The following IFNAR1 variants were observed in gnomAD, a reference collection of about 807,000 sequenced individuals.
The protein encoded by IFNAR1 is interferon alpha/beta receptor 1.
In IFNAR1, 47 loss-of-function variants were observed where a neutral mutation model predicts 62.1. The observed-to-expected ratio is 0.76, with a 90% confidence interval of 0.60 to 0.97. The LOEUF (loss-of-function observed/expected upper bound fraction) is 0.97, where lower values mean the gene tolerates loss of function less well. Ranked by LOEUF, IFNAR1 falls within the 50% of genes least tolerant of loss-of-function variation. IFNAR1 has a pLI of 0.00. For missense variants in IFNAR1, 638 were observed against 654.5 expected, an observed-to-expected ratio of 0.97 and a Z score of 0.27; for synonymous variants, 219 against 226.9, an observed-to-expected ratio of 0.97 and a Z score of 0.31.
chr21:33,342,094 G>A (rs1197392240), intron 3 of IFNAR1, among the ~76,000 whole-genome samples: 2 of 152,064 alleles, frequency 1.3e-5, no homozygotes, highest in Admixed American at 6.6e-5. Flanking sequence ...TGGCTGTTTG[G>A]GATTCTCGAT....
Position 33,341,015 on chromosome 21 carries a change from T to A in IFNAR1, c.217T>A (p.Trp73Arg). The A allele has an allele frequency of 6.2e-7, 1 of 1,608,974 alleles. No homozygotes were observed. The highest frequency in any genetic ancestry group is 8.5e-7 in the Non-Finnish European group (1 of 1,176,278). The change falls in exon 3 of 11, where the codon TGG (tryptophan) becomes AGG (arginine). Residue 73 changes from tryptophan to arginine, a missense_variant. Transcript: ENST00000270139. Reference protein sequence around the residue: ...FDYQKTGMDNWIKLSGCQNIT... With the variant: ...FDYQKTGMDNRIKLSGCQNIT... ...ACTTTAAAGAACTGGGATGGATAATTGGATAAAATTGTCTGGGTGTCAGAA... is the reference window on the plus strand; with the variant it reads ...ACTTTAAAGAACTGGGATGGATAATAGGATAAAATTGTCTGGGTGTCAGAA...
chr21:33,352,446 GA>G (rs553939863), intron 8 of IFNAR1, among the ~76,000 whole-genome samples: 3 of 151,014 alleles, frequency 2.0e-5, no homozygotes, highest in Non-Finnish European at 4.4e-5. Flanking sequence ...CTACCAAAAA[GA>G]AAAAAAAATT....
At chr21:33,330,448 CCT>C (rs1426235559) in intron 1 of IFNAR1, among the ~76,000 whole-genome samples, 1 of 152,100 alleles carries the variant, frequency 6.6e-6, no homozygotes, top group African/African-American at 2.4e-5. Flanking sequence ...ACTGTACATA[CCT>C]AGGGAAAGGC....
At position 33,353,697 on chromosome 21, in the gene IFNAR1, T is replaced by C. The variant is rs200057701; in HGVS notation, c.1354T>C (p.Phe452Leu). 25 of 1,585,292 alleles carry C rather than the reference T, an allele frequency of 1.6e-5. 1 individual carries two copies. The highest frequency in any genetic ancestry group is 1.5e-4 in the Admixed American group (8 of 52,514). Reference sequence around the variant, plus strand: ...TTGTATTGCATTATTTGCTCTCCCGTTTGTCATTTATGCTGCGAAAGTCTT... The same window carrying C: ...TTGTATTGCATTATTTGCTCTCCCGCTTGTCATTTATGCTGCGAAAGTCTT... ...GICIALFALP[F>L]VIYAAKVFLR... The change falls in exon 10 of 11, where the codon TTT becomes CTT. Residue 452 changes from phenylalanine (F) to leucine (L), a missense_variant. Coordinates refer to ENST00000270139, the MANE Select transcript of IFNAR1 (RefSeq NM_000629.3).
intron 1 of IFNAR1, among the ~76,000 whole-genome samples, chr21:33,332,604 A>G (rs2083191814): frequency 6.6e-6 from 1 of 152,244 alleles, no homozygotes. Context: ...GATACAAGAA[A>G]ATACAGATAG....
At chr21:33,335,051 T>C (rs2083219994) in intron 1 of IFNAR1, 1 of 1,229,170 alleles carries the variant, frequency 8.1e-7, no homozygotes, top group Admixed American at 1.7e-5. Context: ...CCACAAGGAG[T>C]ACTGCAGGGA....
At chr21:33,343,473 G>T (rs376037565) in intron 4 of IFNAR1, 51 bp downstream of exon 4, 1 of 1,562,030 alleles carries the variant, frequency 6.4e-7, no homozygotes, top group Non-Finnish European at 8.8e-7. Context: ...AAAATTAGGC[G>T]AATTAATCCT....
intron 2 of IFNAR1, 58 bp downstream of exon 2, chr21:33,335,705 A>C (rs1324646633): frequency 7.7e-7 from 1 of 1,304,416 alleles, no homozygotes; most frequent in Non-Finnish European, 1.0e-6. Flanking sequence ...TACAAGTTTA[A>C]CAACACCATA....
At position 33,335,606 on chromosome 21, in the gene IFNAR1, T is replaced by C. The variant is rs747735089; in HGVS notation, c.159T>C (p.Asp53=). The C allele has an allele frequency of 6.2e-7, 1 of 1,605,968 alleles. No homozygotes were observed. Among genetic ancestry groups the C allele is most frequent in the East Asian group, 2.2e-5 (1 of 44,518 alleles). Residue 53 remains aspartate, a synonymous_variant, in exon 2 of 11, where the codon GAT becomes GAC. Transcript: ENST00000270139. ...DNFILRWNRS[D]ESVGNVTFSF... The stretch of plus-strand genomic sequence containing the variant: ...TTATCCTGAGGTGGAACAGGAGCGA[T>C]GAGTCTGTCGGGAATGTGACTTTTT...
intron 2 of IFNAR1, among the ~76,000 whole-genome samples, chr21:33,339,658 A>G (rs911012658): frequency 1.3e-5 from 2 of 152,182 alleles, no homozygotes; most frequent in Admixed American, 6.5e-5. Context: ...ATGGTGGCTC[A>G]CGCCTGTAAT....
intron 8 of IFNAR1, 25 bp downstream of exon 8, chr21:33,349,568 T>G: frequency 6.7e-7 from 1 of 1,486,846 alleles, no homozygotes; most frequent in Non-Finnish European, 9.2e-7. Flanking sequence ...TAGTATAATT[T>G]TGTAACTTAG....
chr21:33,352,382 C>A (rs2083406100), intron 8 of IFNAR1, among the ~76,000 whole-genome samples: 1 of 152,088 alleles, frequency 6.6e-6, no homozygotes, highest in Non-Finnish European at 1.5e-5. Context: ...GTGGGTGGAT[C>A]ACTTGAGGCC....
chr21:33,324,812 G>C (rs1281031464), upstream of IFNAR1: 2 of 553,262 alleles, frequency 3.6e-6, no homozygotes, highest in African/African-American at 3.8e-5. Flanking sequence ...AATTAGGATG[G>C]GGCAATGGGA....
chr21:33,350,307 C>T (rs1649332620), intron 8 of IFNAR1, among the ~76,000 whole-genome samples: 2 of 150,832 alleles, frequency 1.3e-5, no homozygotes, highest in Non-Finnish European at 2.9e-5. Context: ...TCAAATGTCC[C>T]CTGGTGGCTC....
At chr21:33,333,910 C>G in intron 1 of IFNAR1, among the ~76,000 whole-genome samples, 1 of 152,056 alleles carries the variant, frequency 6.6e-6, no homozygotes, top group East Asian at 1.9e-4. Flanking sequence ...TTAAATGACT[C>G]AATTATATGC....
intron 8 of IFNAR1, among the ~76,000 whole-genome samples, chr21:33,352,058 T>A (rs1315940930): frequency 6.6e-6 from 1 of 151,936 alleles, no homozygotes; most frequent in Non-Finnish European, 1.5e-5. Context: ...ATTTTATAGA[T>A]CAGGGAATCA....
rs1372879408 is a variant in IFNAR1 at position 33,356,777 on chromosome 21, G to T, written c.*1228G>T. 1.3e-5 allele frequency: 2 copies of T among 152,226 alleles called. No homozygotes were observed. The highest frequency in any genetic ancestry group is 2.9e-5 in the Non-Finnish European group (2 of 68,058). The allele number at this position is 152,226 out of a possible 1,614,324, so 9.4% of individuals were successfully genotyped here. On this transcript the variant is annotated 3_prime_UTR_variant, in exon 11 of 11. Transcript: ENST00000270139. ...ATGATAGGAGACTGACATAGAAGAA[G>T]AATGCTTCCCTAGGAAAAAGGTCGC... is the stretch of plus-strand genomic sequence containing the variant.
intron 1 of IFNAR1, among the ~76,000 whole-genome samples, chr21:33,329,644 A>T (rs949549880): frequency 3.3e-5 from 5 of 152,244 alleles, no homozygotes; most frequent in African/African-American, 1.2e-4. Context: ...TAAAAGAAAT[A>T]TTGTAGGAAC....
chr21:33,346,763 A>G (rs1243637565), intron 6 of IFNAR1, among the ~76,000 whole-genome samples: 1 of 152,234 alleles, frequency 6.6e-6, no homozygotes, highest in Non-Finnish European at 1.5e-5. Context: ...TTGAAAATGT[A>G]AAGGTGAATA....
Sources: gnomAD v4.1 joint callset for allele counts (sites outside exome capture counted in the v4.1 genomes callset) on GRCh38, gnomAD v4.1.1 for gene constraint, MANE v1.5 for transcripts, NCBI Gene and HGNC (gene_info 2026-07-23, HGNC 2026-07-21) for gene names.